Variants in EYS observed in about 807,000 individuals in gnomAD.
EYS encodes the protein protein eyes shut homolog.
Under a neutral mutation model 282.1 loss-of-function variants are expected in EYS, and 250 were observed. The ratio of observed to expected loss-of-function variants is 0.89; its 90% confidence interval spans 0.80 to 0.98. EYS has a LOEUF of 0.98. EYS is among the 50% of genes least tolerant of loss of function. The probability of loss-of-function intolerance (pLI) is 0.00; values close to 1 mark genes in which losing one functional copy is unlikely to be tolerated. For synonymous variants in EYS, 1,355 were observed against 1,282.9 expected (o/e 1.06, Z -1.20); for missense variants, 4,016 against 3,709.0 (o/e 1.08, Z -2.15).
chr6:64,510,811 C>T (rs904947518), intron 26 of EYS, among the ~76,000 whole-genome samples: 1 of 152,036 alleles, frequency 6.6e-6, no homozygotes, highest in African/African-American at 2.4e-5. Flanking sequence ...CGGAAAGAAA[C>T]CAGTAAAGAT....
chr6:64,011,229 A>G (rs1768608486), intron 33 of EYS, among the ~76,000 whole-genome samples: 1 of 151,590 alleles, frequency 6.6e-6, no homozygotes, highest in South Asian at 2.1e-4. Context: ...TTCTTCCTTT[A>G]TTTTTTCTAT....
intron 33 of EYS, among the ~76,000 whole-genome samples, chr6:64,059,714 AATTTT>A (rs1339259700): frequency 2.6e-5 from 4 of 152,324 alleles, no homozygotes; most frequent in Admixed American, 1.3e-4. Flanking sequence ...TAATAAAAGA[AATTTT>A]AGTTTTACAG....
At chr6:65,476,790 T>C (rs776379519) in intron 5 of EYS, among the ~76,000 whole-genome samples, 5 of 152,108 alleles carry the variant, frequency 3.3e-5, no homozygotes, top group Admixed American at 6.5e-5. Flanking sequence ...TTGGCCAGGA[T>C]GGTCTCAATC....
At position 64,262,011 on chromosome 6, in the gene EYS, T is replaced by C. The variant is rs577055585; in HGVS notation, c.6192-31187A>G. ...CTCAAGCAATTTGCTCGCCTTGGAC[T>C]CCAAAAGTGCTGGGATTACAGGCAG... is the stretch of plus-strand genomic sequence containing the variant. On this transcript the variant is annotated intron_variant, in intron 30 of 42. Transcript: ENST00000503581. 7.9e-5 allele frequency among the ~76,000 whole-genome samples: 12 copies of C among 152,144 alleles called. 1 individual carries two copies. In the South Asian group the frequency reaches 2.1e-3, roughly 26 times the overall value.
chr6:63,763,282 T>C (rs1047468541), intron 40 of EYS, among the ~76,000 whole-genome samples: 2 of 152,048 alleles, frequency 1.3e-5, no homozygotes, highest in Admixed American at 1.3e-4. Flanking sequence ...AGAGACACCT[T>C]GTCTGGGTTT....
chr6:63,800,022 T>C (rs1432617594), intron 37 of EYS, among the ~76,000 whole-genome samples: 1 of 152,124 alleles, frequency 6.6e-6, no homozygotes, highest in Non-Finnish European at 1.5e-5. Flanking sequence ...ACAGCAAATA[T>C]CAGCTGGGCT....
At chr6:64,760,341 G>A (rs1346923755) in intron 22 of EYS, among the ~76,000 whole-genome samples, 1 of 151,974 alleles carries the variant, frequency 6.6e-6, no homozygotes, top group Non-Finnish European at 1.5e-5. Flanking sequence ...ATATGTTCCC[G>A]GTTTTAGCTC....
intron 26 of EYS, among the ~76,000 whole-genome samples, chr6:64,532,133 T>G (rs1342368142): frequency 1.3e-5 from 2 of 152,134 alleles, no homozygotes; most frequent in Non-Finnish European, 2.9e-5. Flanking sequence ...TAGACAGCAA[T>G]AAAATTTTCC....
Position 64,651,164 on chromosome 6 carries a change from T to C in EYS, c.3444-24919A>G, listed in dbSNP as rs573587505. On this transcript the variant is annotated intron_variant, in intron 22 of 42. Transcript: ENST00000503581. ...CCTAAAAAAAAGGTCCACATGAATA[T>C]TATAGATAGATAAATGCTTACAGAA... 2.0e-5 allele frequency among the ~76,000 whole-genome samples: 3 copies of C among 152,214 alleles called. No individual in the cohort carries two copies. The South Asian group carries it at 6.2e-4, about 32-fold the overall frequency.
intron 24 of EYS, among the ~76,000 whole-genome samples, chr6:64,608,531 T>C (rs1169954674): frequency 2.0e-5 from 3 of 152,232 alleles, no homozygotes; most frequent in African/African-American, 7.2e-5. Context: ...AAACATACTG[T>C]TACTGTATAA....
intron 30 of EYS, among the ~76,000 whole-genome samples, chr6:64,257,522 ATC>A (rs1767439953): frequency 1.3e-5 from 2 of 152,116 alleles, no homozygotes; most frequent in South Asian, 2.1e-4. Context: ...ATCTATTTGT[ATC>A]TGTTTCTCTT....
intron 22 of EYS, among the ~76,000 whole-genome samples, chr6:64,798,479 A>C (rs1246333333): frequency 6.6e-6 from 1 of 151,948 alleles, no homozygotes; most frequent in Non-Finnish European, 1.5e-5. Context: ...AGATAAAAAG[A>C]AAGCAAGCAC....
intron 12 of EYS, among the ~76,000 whole-genome samples, chr6:65,128,229 T>C (rs974851063): frequency 2.0e-5 from 3 of 151,812 alleles, no homozygotes; most frequent in Admixed American, 6.6e-5. Context: ...AAATCTAAAA[T>C]AAATATTAAC....
intron 2 of EYS, among the ~76,000 whole-genome samples, chr6:65,618,333 C>A (rs535844562): frequency 1.3e-5 from 2 of 152,188 alleles, no homozygotes; most frequent in Middle Eastern, 3.2e-3. Flanking sequence ...ATGTGTTTTT[C>A]GGCTGCATGA....
At chr6:64,783,179 C>A (rs1773912987) in intron 22 of EYS, among the ~76,000 whole-genome samples, 1 of 151,986 alleles carries the variant, frequency 6.6e-6, no homozygotes. Context: ...TCCTAGTAAC[C>A]CTTATTTTAC....
Position 65,521,522 on chromosome 6 carries a change from G to C in EYS, c.-332-25529C>G, listed in dbSNP as rs1198191482. On this transcript the variant is annotated intron_variant, in intron 2 of 42. Coordinates refer to ENST00000503581, the MANE Select transcript of EYS (RefSeq NM_001142800.2). ...ATGCGTGAAGAAATCCAATAATCAG[G>C]TTTTGTTAAAAAACCCCTCTATCCC... Among the ~76,000 whole-genome samples the C allele has an allele frequency of 7.9e-5, 12 of 151,836 alleles. No individual in the cohort carries two copies. In the East Asian group the frequency reaches 1.2e-3, roughly 15 times the overall value.
intron 29 of EYS, among the ~76,000 whole-genome samples, chr6:64,313,745 G>A (rs1356362121): frequency 1.3e-5 from 2 of 152,106 alleles, no homozygotes; most frequent in Non-Finnish European, 2.9e-5. Flanking sequence ...TTTCAGTCGA[G>A]AATTTCATAT....
intron 22 of EYS, among the ~76,000 whole-genome samples, chr6:64,705,062 C>G (rs944239654): frequency 6.6e-6 from 1 of 151,942 alleles, no homozygotes; most frequent in Non-Finnish European, 1.5e-5. Context: ...TATGATCAAA[C>G]GTTTACCTAG....
intron 31 of EYS, among the ~76,000 whole-genome samples, chr6:64,207,342 T>G (rs1765640296): frequency 6.6e-6 from 1 of 152,052 alleles, no homozygotes; most frequent in Non-Finnish European, 1.5e-5. Flanking sequence ...TCCCTCAATC[T>G]TGGCCTTCCA....
Sources: allele counts gnomAD v4.1 joint callset (sites outside exome capture counted in the v4.1 genomes callset), GRCh38; gene constraint gnomAD v4.1.1; transcripts MANE v1.5; gene names NCBI Gene and HGNC (gene_info 2026-07-23, HGNC 2026-07-21).